Variants in TOX2 observed in about 807,000 individuals in gnomAD.
The protein encoded by TOX2 is granulosa cell HMG box 1.
Under a neutral mutation model 47.4 loss-of-function variants are expected in TOX2, and 15 were observed. The observed-to-expected ratio is 0.32, with a 90% confidence interval of 0.21 to 0.49. TOX2 has a LOEUF of 0.49. Among genes scored for constraint, TOX2 ranks in the 20% least tolerant of loss-of-function variants. The pLI is 0.99. For missense variants in TOX2, 622 were observed against 673.1 expected (o/e 0.92, Z 0.84); for synonymous variants, 290 against 296.6 (o/e 0.98, Z 0.23).
chr20:43,985,951 G>A (rs2070256698), intron 2 of TOX2, among the ~76,000 whole-genome samples: 1 of 152,208 alleles, frequency 6.6e-6, no homozygotes, highest in African/African-American at 2.4e-5. Context: ...GATGGGGAAG[G>A]AGGGCTCTGA....
At chr20:44,058,491 C>T (rs1427585491) in intron 5 of TOX2, among the ~76,000 whole-genome samples, 1 of 152,200 alleles carries the variant, frequency 6.6e-6, no homozygotes, top group Non-Finnish European at 1.5e-5. Context: ...AACTCCATGG[C>T]CCCGCCCACC....
chr20:44,066,867 C>A lies in TOX2; in HGVS notation c.1484+10C>A. The A allele has an allele frequency of 6.2e-7, 1 of 1,609,492 alleles. No homozygotes were observed. The highest frequency in any genetic ancestry group is 1.1e-5 in the South Asian group (1 of 90,440). ...GCATCAGCACCTGCAGGTTAGTCCT[C>A]GCCCGTCCCTGCCTTTGTCCTGCCA... is the stretch of plus-strand genomic sequence containing the variant. On this transcript the variant is annotated intron_variant, in intron 8 of 8. Transcript: ENST00000341197.
At chr20:43,995,675 C>G (rs990763244) in intron 2 of TOX2, among the ~76,000 whole-genome samples, 3 of 152,190 alleles carry the variant, frequency 2.0e-5, no homozygotes, top group African/African-American at 7.2e-5. Context: ...CTCCCACCCT[C>G]AAGTAGAACC....
rs2069573955 is a variant in TOX2, at chr20:43,951,709, T to TG, written c.100-21658_100-21657insG. Among the ~76,000 whole-genome samples the TG allele has an allele frequency of 2.7e-5, 3 of 111,290 alleles. 1 individual carries two copies. Among genetic ancestry groups the TG allele is most frequent in the African/African-American group, 6.7e-5 (2 of 29,792 alleles). The allele number at this position is 111,290 out of a possible 152,430, so 73.0% of individuals were successfully genotyped here. A position where few individuals can be genotyped will look rare whatever the true frequency, so the allele number is the denominator to read the frequency against. On this transcript the variant is annotated intron_variant, in intron 1 of 8. Coordinates refer to ENST00000341197, the MANE Select transcript of TOX2 (RefSeq NM_001098797.2). ...ACCATTACTATTAAACTTATTATGT[T>TG]TTTTTTTTTTTTTTTTTTTAGAGAA...
chr20:44,045,801 T>C (rs1273779303), intron 3 of TOX2, among the ~76,000 whole-genome samples: 1 of 152,206 alleles, frequency 6.6e-6, no homozygotes, highest in Non-Finnish European at 1.5e-5. Flanking sequence ...GTAAAAATAT[T>C]AAATCACCAA....
Position 44,069,418 on chromosome 20 carries a change from G to C in TOX2, c.*732G>C, listed in dbSNP as rs573977713. 3.9e-5 allele frequency: 6 copies of C among 154,418 alleles called. No homozygotes were observed. The allele number at this position is 154,418 out of a possible 1,614,324, so 9.6% of individuals were successfully genotyped here. A position where few individuals can be genotyped will look rare whatever the true frequency, so the allele number is the denominator to read the frequency against. ...TATTCATCTATTTTAAATTGCCGGC[G>C]ACGACTTTTGTCTATTTATGAAGAA... On this transcript the variant is annotated 3_prime_UTR_variant, in exon 9 of 9. Coordinates refer to ENST00000341197, the MANE Select transcript of TOX2 (RefSeq NM_001098797.2).
In TOX2 at chr20:43,916,217, G is replaced by C; in HGVS notation, c.99+1227G>C. 1 of 985,628 alleles carries C rather than the reference G, an allele frequency of 1.0e-6. No individual in the cohort carries two copies. The highest frequency in any genetic ancestry group is 4.7e-5 in the South Asian group (1 of 21,298). 61.1% of individuals were successfully genotyped at this position (985,628 alleles called of 1,614,324 possible). A position where few individuals can be genotyped will look rare whatever the true frequency, so the allele number is the denominator to read the frequency against. ...CTCCGTGGCGATGCGGGGTGAGTGCGCGTCCAGTGGCTGGATCGGCGCCCC... is the reference window on the plus strand; with the variant it reads ...CTCCGTGGCGATGCGGGGTGAGTGCCCGTCCAGTGGCTGGATCGGCGCCCC... On this transcript the variant is annotated intron_variant, in intron 1 of 8. Coordinates refer to ENST00000341197, the MANE Select transcript of TOX2 (RefSeq NM_001098797.2). This position sits in a 1 kb window ranked among gnomAD's most constrained non-coding sequence, Gnocchi z 5.0.
chr20:44,024,284 C>T (rs6031299), intron 3 of TOX2, among the ~76,000 whole-genome samples: 4,097 of 152,142 alleles, frequency 0.027, 211 homozygotes, highest in African/African-American at 0.093. Flanking sequence ...TTTCTGTTCA[C>T]CTTTACCCAG....
In TOX2 at chr20:44,006,663, G is replaced by C; in HGVS notation, c.282G>C (p.Ser94=). The part of the protein sequence containing the change: ...HLGDHEASYH[S]LCHGLTPNGL... The stretch of plus-strand genomic sequence containing the variant: ...GGGACCACGAAGCCAGCTACCACTC[G>C]CTGTGCCACGGCCTCACCCCCAACG... Residue 94 remains serine, a synonymous_variant, in exon 3 of 9, where the codon TCG becomes TCC. Coordinates refer to ENST00000341197, the MANE Select transcript of TOX2 (RefSeq NM_001098797.2). 6.2e-7 allele frequency: 1 copy of C among 1,614,052 alleles called. No individual in the cohort carries two copies. Among genetic ancestry groups the C allele is most frequent in the Non-Finnish European group, 8.5e-7 (1 of 1,180,018 alleles).
intron 3 of TOX2, among the ~76,000 whole-genome samples, chr20:44,019,471 G>A (rs1327318255): frequency 1.3e-5 from 2 of 152,240 alleles, no homozygotes; most frequent in African/African-American, 2.4e-5. Context: ...GGCAAAGGTG[G>A]GACCCTTGCC....
chr20:43,930,299 T>C (rs2069236371), intron 1 of TOX2, among the ~76,000 whole-genome samples: 1 of 152,194 alleles, frequency 6.6e-6, no homozygotes, highest in Non-Finnish European at 1.5e-5. Context: ...GTTTATATGT[T>C]GTTGCCAGGA....
intron 3 of TOX2, among the ~76,000 whole-genome samples, chr20:44,016,531 G>T (rs568674904): frequency 7.9e-5 from 12 of 152,104 alleles, no homozygotes; most frequent in Non-Finnish European, 1.8e-4. Flanking sequence ...CTGTTATTGG[G>T]GGTGTCCTGT....
At chr20:44,012,689 G>C (rs2070798122) in intron 3 of TOX2, among the ~76,000 whole-genome samples, 1 of 152,132 alleles carries the variant, frequency 6.6e-6, no homozygotes, top group Non-Finnish European at 1.5e-5. Context: ...TTCAGCTCTG[G>C]TGAACTCACA....
chr20:43,935,145 T>C (rs1004214214), intron 1 of TOX2, among the ~76,000 whole-genome samples: 1 of 152,068 alleles, frequency 6.6e-6, no homozygotes, highest in African/African-American at 2.4e-5. Context: ...TGAAGACAGA[T>C]TGGGCTTGGG....
intron 3 of TOX2, among the ~76,000 whole-genome samples, chr20:44,009,388 G>A (rs1431723633): frequency 1.3e-5 from 2 of 152,188 alleles, no homozygotes; most frequent in Admixed American, 1.3e-4. Flanking sequence ...ACATTTCATA[G>A]TGTTTGGTTC....
intron 3 of TOX2, among the ~76,000 whole-genome samples, chr20:44,020,689 T>G (rs2070962071): frequency 6.6e-6 from 1 of 152,096 alleles, no homozygotes; most frequent in Non-Finnish European, 1.5e-5. Context: ...CTAGACCTGG[T>G]GACTGGGAGA....
intron 1 of TOX2, among the ~76,000 whole-genome samples, chr20:43,961,902 A>G (rs529154447): frequency 4.9e-4 from 74 of 152,088 alleles, no homozygotes; most frequent in Non-Finnish European, 8.5e-4. Context: ...GGATGGCCTC[A>G]TCTCATTACA....
chr20:43,969,769 T>C (rs1157254405), intron 1 of TOX2, among the ~76,000 whole-genome samples: 1 of 152,208 alleles, frequency 6.6e-6, no homozygotes, highest in Non-Finnish European at 1.5e-5. Flanking sequence ...ACTCAGGCCC[T>C]GCCTCGGGAA....
At chr20:44,051,592 A>AG in intron 4 of TOX2, 47 bp downstream of exon 4, 1 of 1,529,360 alleles carries the variant, frequency 6.5e-7, no homozygotes, top group Non-Finnish European at 8.8e-7. Context: ...TCCTGTCGGC[A>AG]GGGAAGGGGT....
Sources: allele counts gnomAD v4.1 joint callset (sites outside exome capture counted in the v4.1 genomes callset), GRCh38; gene constraint gnomAD v4.1.1; non-coding constraint Gnocchi (gnomAD v3.1); transcripts MANE v1.5; gene names NCBI Gene and HGNC (gene_info 2026-07-23, HGNC 2026-07-21).